PTPRD: variants seen among roughly 807,000 people sequenced by gnomAD.
PTPRD encodes protein tyrosine phosphatase receptor type D, also known as receptor-type tyrosine-protein phosphatase delta.
PTPRD carries 34 observed loss-of-function variants against 214.5 expected under a neutral mutation model. That is an observed-to-expected ratio of 0.16 (90% CI 0.12 to 0.21). The LOEUF (loss-of-function observed/expected upper bound fraction) is 0.21, where lower values mean the gene tolerates loss of function less well. PTPRD is among the 10% of genes least tolerant of loss of function. The probability of loss-of-function intolerance (pLI) is 1.00; values close to 1 mark genes in which losing one functional copy is unlikely to be tolerated. For synonymous variants in PTPRD, 1,128 were observed against 845.7 expected (o/e 1.33, Z -5.79); for missense variants, 2,545 against 2,398.7 (o/e 1.06, Z -1.27).
At chr9:9,346,994 A>G (rs1036660592) in intron 9 of PTPRD, among the ~76,000 whole-genome samples, 3 of 152,020 alleles carry the variant, frequency 2.0e-5, no homozygotes, top group African/African-American at 7.2e-5. Flanking sequence ...TGCCTGGCCA[A>G]TTCCTTAATC....
At chr9:9,288,301 G>C (rs1950127873) in intron 9 of PTPRD, among the ~76,000 whole-genome samples, 1 of 151,734 alleles carries the variant, frequency 6.6e-6, no homozygotes, top group Non-Finnish European at 1.5e-5. Flanking sequence ...ATTATGCTAT[G>C]CTATGTATGT....
intron 4 of PTPRD, among the ~76,000 whole-genome samples, chr9:9,941,863 T>A (rs113659862): frequency 7.9e-5 from 12 of 152,286 alleles, no homozygotes; most frequent in African/African-American, 2.6e-4. Context: ...AATTGATTGA[T>A]TTCCAGAAGA....
chr9:8,856,525 G>A (rs1398564189), intron 11 of PTPRD, among the ~76,000 whole-genome samples: 5 of 151,836 alleles, frequency 3.3e-5, no homozygotes, highest in African/African-American at 1.2e-4. Context: ...CTGGCACTGT[G>A]TCTTTGCACA....
intron 9 of PTPRD, among the ~76,000 whole-genome samples, chr9:9,301,395 A>G (rs182632016): frequency 6.6e-6 from 1 of 151,890 alleles, no homozygotes; most frequent in Non-Finnish European, 1.5e-5. Context: ...CAGCAGTTCT[A>G]TTCTAACAAC....
intron 9 of PTPRD, among the ~76,000 whole-genome samples, chr9:9,292,470 T>A (rs1951500607): frequency 6.6e-6 from 1 of 151,428 alleles, no homozygotes; most frequent in South Asian, 2.1e-4. Flanking sequence ...AAACTTTATA[T>A]TTTAGAATAC....
Position 8,521,486 on chromosome 9 carries a change from C to T in PTPRD, c.752G>A (p.Gly251Glu), listed in dbSNP as rs752937985. 1 of 1,613,986 alleles carries T rather than the reference C, an allele frequency of 6.2e-7. No homozygotes were observed. Among genetic ancestry groups the T allele is most frequent in the Non-Finnish European group, 8.5e-7 (1 of 1,179,924 alleles). ...GGCCACACAGGTGATATTAACGCTT[C>T]CGCCTGGCATGATTTCATGATTAGT... is the stretch of plus-strand genomic sequence containing the variant. ...PPTNHEIMPGGSVNITCVAVG... is the reference protein window; with the variant it reads ...PPTNHEIMPGESVNITCVAVG... Residue 251 changes from glycine (G) to glutamate (E), a missense_variant, in exon 20 of 46, where the codon GGA (glycine) becomes GAA (glutamate). Coordinates refer to ENST00000381196, the MANE Select transcript of PTPRD (RefSeq NM_002839.4).
chr9:9,756,993 A>G (rs1393411873), intron 6 of PTPRD, among the ~76,000 whole-genome samples: 5 of 152,220 alleles, frequency 3.3e-5, no homozygotes, highest in Admixed American at 3.3e-4. Context: ...GTTTCATAAA[A>G]TACTTTTATA....
At chr9:10,333,577 G>C (rs997491138) in intron 3 of PTPRD, among the ~76,000 whole-genome samples, 1 of 151,754 alleles carries the variant, frequency 6.6e-6, no homozygotes, top group African/African-American at 2.4e-5. Context: ...AATATGGAAA[G>C]GCTAGAAGAA....
At chr9:9,511,807 G>A (rs1040021582) in intron 8 of PTPRD, among the ~76,000 whole-genome samples, 1 of 151,708 alleles carries the variant, frequency 6.6e-6, no homozygotes, top group Non-Finnish European at 1.5e-5. Flanking sequence ...TTTCTGTAAT[G>A]TAGGTCAAAT....
At chr9:9,015,294 A>C (rs2099530015) in intron 11 of PTPRD, among the ~76,000 whole-genome samples, 1 of 152,136 alleles carries the variant, frequency 6.6e-6, no homozygotes, top group Admixed American at 6.6e-5. Context: ...GATACAGATC[A>C]TAAAGACGTT....
Position 10,563,830 on chromosome 9 carries a change from ATTAT to A in PTPRD, c.-600+48564_-600+48567del, listed in dbSNP as rs976581359. ...ATTATATCATATATAGAGTGACATA[ATTAT>A]TTATTTATTTATCTATTTATAAAAT... On this transcript the variant is annotated intron_variant, in intron 2 of 45. Coordinates refer to ENST00000381196, the MANE Select transcript of PTPRD (RefSeq NM_002839.4). Among the ~76,000 whole-genome samples, 80 of 152,000 alleles carry A rather than the reference ATTAT, an allele frequency of 5.3e-4. No individual in the cohort carries two copies. The East Asian group carries it at 7.0e-3, about 13-fold the overall frequency.
At chr9:10,079,465 G>A (rs903818470) in intron 3 of PTPRD, among the ~76,000 whole-genome samples, 2 of 152,050 alleles carry the variant, frequency 1.3e-5, no homozygotes, top group African/African-American at 4.8e-5. Context: ...GAAGCATCCA[G>A]GCAGGAGGCA....
chr9:8,647,842 A>G (rs1379012391), intron 12 of PTPRD, among the ~76,000 whole-genome samples: 1 of 152,038 alleles, frequency 6.6e-6, no homozygotes, highest in Non-Finnish European at 1.5e-5. Context: ...AATGAATTGC[A>G]AACATTTGGC....
At chr9:8,439,802 A>C (rs1241850781) in intron 34 of PTPRD, among the ~76,000 whole-genome samples, 2 of 152,068 alleles carry the variant, frequency 1.3e-5, no homozygotes, top group Admixed American at 1.3e-4. Flanking sequence ...GTAGACACTA[A>C]GAAAACTATG....
chr9:8,546,196 T>G (rs1414074241), intron 14 of PTPRD, among the ~76,000 whole-genome samples: 2 of 152,158 alleles, frequency 1.3e-5, no homozygotes, highest in Admixed American at 1.3e-4. Flanking sequence ...TGCAATTTCA[T>G]CCACTCCTCC....
chr9:9,597,701 G>A lies in PTPRD; in HGVS notation c.-286-22920C>T, dbSNP rs374476416. On this transcript the variant is annotated intron_variant, in intron 7 of 45. Transcript: ENST00000381196. ...TGTGGAAAAAAGATATGTAATTGAT[G>A]GAGAAAAAGTGGAGAAAATAGTTTC... 7.2e-4 allele frequency among the ~76,000 whole-genome samples: 109 copies of A among 152,006 alleles called. 1 individual carries two copies. The highest frequency in any genetic ancestry group is 2.6e-3 in the African/African-American group (107 of 41,512).
At chr9:9,615,069 T>G (rs1378040970) in intron 7 of PTPRD, among the ~76,000 whole-genome samples, 1 of 152,042 alleles carries the variant, frequency 6.6e-6, no homozygotes, top group Non-Finnish European at 1.5e-5. Context: ...TGTAAGAATA[T>G]CTAATAGATA....
chr9:9,729,306 C>T (rs2098143965), intron 7 of PTPRD, among the ~76,000 whole-genome samples: 1 of 152,078 alleles, frequency 6.6e-6, no homozygotes, highest in Non-Finnish European at 1.5e-5. Context: ...GCTCTACTGT[C>T]TCAAATGCAT....
chr9:9,449,593 A>G (rs1413718699), intron 8 of PTPRD, among the ~76,000 whole-genome samples: 1 of 152,030 alleles, frequency 6.6e-6, no homozygotes, highest in Non-Finnish European at 1.5e-5. Context: ...CCCTTTGTCT[A>G]GAACCTCGTC....
Sources: gnomAD v4.1 joint callset for allele counts (sites outside exome capture counted in the v4.1 genomes callset) on GRCh38, gnomAD v4.1.1 for gene constraint, MANE v1.5 for transcripts, NCBI Gene and HGNC (gene_info 2026-07-23, HGNC 2026-07-21) for gene names.